MYT1L: variants seen among roughly 807,000 people sequenced by gnomAD.
MYT1L encodes the protein myelin transcription factor 1 like.
In MYT1L, 12 loss-of-function variants were observed where a neutral mutation model predicts 126.7. The observed-to-expected ratio is 0.09, with a 90% CI of 0.06 to 0.15. The LOEUF (loss-of-function observed/expected upper bound fraction) is 0.15, where lower values mean the gene tolerates loss of function less well. Among genes scored for constraint, MYT1L ranks in the 10% least tolerant of loss-of-function variants. The pLI is 1.00. For synonymous variants in MYT1L, 541 were observed against 604.2 expected (o/e 0.90, Z 1.53); for missense variants, 979 against 1,585.2 (o/e 0.62, Z 6.49).
At chr2:2,310,426 G>A (rs975430424) in intron 1 of MYT1L, among the ~76,000 whole-genome samples, 3 of 151,968 alleles carry the variant, frequency 2.0e-5, no homozygotes, top group African/African-American at 7.3e-5. Context: ...CTACACTTCA[G>A]TATACTTTAT....
chr2:2,008,015 T>C (rs933161828), intron 4 of MYT1L, among the ~76,000 whole-genome samples: 2 of 152,308 alleles, frequency 1.3e-5, no homozygotes, highest in Admixed American at 6.5e-5. Context: ...ATCTCTATAG[T>C]AGAACCTACG....
At position 1,811,409 on chromosome 2, in the gene MYT1L, TCC is replaced by T. The variant is rs2036625054; in HGVS notation, c.3081-2244_3081-2243del. ...CGTCATCAGCTCTGGCGTCATCAGCTCCAGCATCATCAGCTCCCGCGTCCTAT... is the reference window on the plus strand; with the variant it reads ...CGTCATCAGCTCTGGCGTCATCAGCTAGCATCATCAGCTCCCGCGTCCTAT... On this transcript the variant is annotated intron_variant, in intron 21 of 24. Transcript: ENST00000647738. The surrounding 1 kb of genome is among the most constrained non-coding windows in gnomAD (Gnocchi z 4.4). 1 of 152,396 alleles carries T rather than the reference TCC, an allele frequency of 6.6e-6. No individual in the cohort carries two copies. The highest frequency in any genetic ancestry group is 2.4e-5 in the African/African-American group (1 of 41,328). The allele number at this position is 152,396 out of a possible 1,614,324, so 9.4% of individuals were successfully genotyped here. A position where few individuals can be genotyped will look rare whatever the true frequency, so the allele number is the denominator to read the frequency against.
intron 8 of MYT1L, among the ~76,000 whole-genome samples, chr2:1,972,328 A>G (rs2149451335): frequency 6.6e-6 from 1 of 150,630 alleles, no homozygotes; most frequent in South Asian, 2.1e-4. Flanking sequence ...AATGTGGAAA[A>G]TTGTGTTAAA....
intron 3 of MYT1L, among the ~76,000 whole-genome samples, chr2:2,058,535 C>T (rs1336698470): frequency 6.6e-6 from 1 of 152,192 alleles, no homozygotes; most frequent in Non-Finnish European, 1.5e-5. Flanking sequence ...TTATGGTAGA[C>T]ACTTTGCTAT....
chr2:2,128,653 T>C (rs933418459), intron 3 of MYT1L, among the ~76,000 whole-genome samples: 5 of 152,162 alleles, frequency 3.3e-5, no homozygotes, highest in Non-Finnish European at 7.3e-5. Flanking sequence ...AAATTTATAA[T>C]GGTTATTATA....
intron 8 of MYT1L, among the ~76,000 whole-genome samples, chr2:1,952,729 TTCCCTCCTTCC>T (rs2057902450): frequency 4.1e-5 from 1 of 24,530 alleles, no homozygotes; most frequent in Non-Finnish European, 7.9e-5. Context: ...CTTCCTTCCC[TTCCCTCCTTCC>T]TTCCCTTCCC....
At chr2:2,216,318 G>A (rs1332924406) in intron 2 of MYT1L, among the ~76,000 whole-genome samples, 1 of 152,044 alleles carries the variant, frequency 6.6e-6, no homozygotes, top group Non-Finnish European at 1.5e-5. Flanking sequence ...TACATGTTTC[G>A]ACCACAGTGG....
chr2:2,027,270 C>T (rs1481101948), intron 4 of MYT1L, among the ~76,000 whole-genome samples: 16 of 152,180 alleles, frequency 1.1e-4, no homozygotes, highest in African/African-American at 3.9e-4. Flanking sequence ...CTGGTGAGTG[C>T]TTCCAGGCAC....
rs372134702 is a variant in MYT1L, at chr2:2,219,515, T to C, written c.-420-46527A>G. The stretch of plus-strand genomic sequence containing the variant: ...AATAAAGAGATCAATGTATTTTATG[T>C]TCTTAGCTCCCACAATTTAGCCTAA... On this transcript the variant is annotated intron_variant, in intron 2 of 24. Transcript: ENST00000647738. Among the ~76,000 whole-genome samples the C allele has an allele frequency of 4.6e-5, 7 of 152,370 alleles. 1 individual carries two copies. The East Asian group carries it at 1.2e-3, about 25-fold the overall frequency.
At chr2:2,012,869 T>G (rs917498675) in intron 4 of MYT1L, among the ~76,000 whole-genome samples, 5 of 152,176 alleles carry the variant, frequency 3.3e-5, no homozygotes, top group African/African-American at 1.2e-4. Context: ...TGGCCCCAGG[T>G]GATAGAGCAC....
At chr2:1,818,647 A>G (rs1397639157) in intron 21 of MYT1L, among the ~76,000 whole-genome samples, 1 of 152,072 alleles carries the variant, frequency 6.6e-6, no homozygotes. Context: ...CCACGAGAGC[A>G]GCTCTCCTGT....
At chr2:1,826,374 G>A (rs534960315) in intron 21 of MYT1L, among the ~76,000 whole-genome samples, 1 of 152,280 alleles carries the variant, frequency 6.6e-6, no homozygotes, top group African/African-American at 2.4e-5. Context: ...GGGCTGGGGG[G>A]CGGGCGAATG....
chr2:1,826,797 G>A (rs377673140), intron 21 of MYT1L, among the ~76,000 whole-genome samples: 2 of 148,894 alleles, frequency 1.3e-5, no homozygotes. Context: ...TCCTTGTAAA[G>A]TGGTTCAGTA....
intron 2 of MYT1L, among the ~76,000 whole-genome samples, chr2:2,196,986 G>A (rs115357550): frequency 0.022 from 3,373 of 152,006 alleles, 47 homozygotes; most frequent in Non-Finnish European, 0.033. Context: ...ACACAAAAAG[G>A]TTGAAGATAA....
chr2:2,001,237 C>CTTTTTTTTTTTTTTTTGTT (rs11389323), intron 4 of MYT1L, among the ~76,000 whole-genome samples: 1 of 103,910 alleles, frequency 9.6e-6, no homozygotes, highest in African/African-American at 3.8e-5. Context: ...TTGGTTTTAG[C>CTTTTTTTTTTTTTTTTGTT]TTTTTTTTTT....
intron 23 of MYT1L, among the ~76,000 whole-genome samples, chr2:1,795,366 C>G (rs1320743240): frequency 6.6e-6 from 1 of 152,184 alleles, no homozygotes; most frequent in Non-Finnish European, 1.5e-5. Flanking sequence ...AGCTGGCCAG[C>G]ACGCTGCGGC....
chr2:2,206,742 A>G (rs1039423915), intron 2 of MYT1L, among the ~76,000 whole-genome samples: 1 of 152,230 alleles, frequency 6.6e-6, no homozygotes, highest in Non-Finnish European at 1.5e-5. Context: ...TCCACAGTTC[A>G]TCCTCCTGTT....
At chr2:1,907,085 C>CTGG (rs909860440) in intron 13 of MYT1L, among the ~76,000 whole-genome samples, 4 of 150,442 alleles carry the variant, frequency 2.7e-5, no homozygotes, top group African/African-American at 9.8e-5. Context: ...GTACTCCAGC[C>CTGG]TGGGTGACAG....
chr2:2,286,169 G>A (rs1374574638), intron 1 of MYT1L, among the ~76,000 whole-genome samples: 2 of 152,116 alleles, frequency 1.3e-5, no homozygotes, highest in East Asian at 3.9e-4. Flanking sequence ...TTTTAGTAGA[G>A]ACGGGGTTTC....
Sources: gnomAD v4.1 joint callset for allele counts (sites outside exome capture counted in the v4.1 genomes callset) on GRCh38, gnomAD v4.1.1 for gene constraint, Gnocchi (gnomAD v3.1) non-coding constraint, MANE v1.5 for transcripts, NCBI Gene and HGNC (gene_info 2026-07-23, HGNC 2026-07-21) for gene names.